The following JAK1 variants were observed in gnomAD, a reference collection of about 807,000 sequenced individuals.
JAK1 encodes the protein tyrosine-protein kinase JAK1.
JAK1 carries 16 observed loss-of-function variants against 136.6 expected under a neutral mutation model. The ratio of observed to expected loss-of-function variants is 0.12; its 90% CI spans 0.08 to 0.18. The LOEUF is 0.18. Ranked by LOEUF, JAK1 falls within the 10% of genes least tolerant of loss-of-function variation. The pLI is 1.00. For synonymous variants in JAK1, 492 were observed against 519.5 expected (o/e 0.95, Z 0.72); for missense variants, 859 against 1,450.1 (o/e 0.59, Z 6.62).
chr1:64,847,788 A>G, intron 12 of JAK1, 113 bp from the exon 13 acceptor site: 3 of 1,214,516 alleles, frequency 2.5e-6, no homozygotes, highest in Non-Finnish European at 3.5e-6. Context: ...GGCAAAGGCA[A>G]GAGGGCTCCC....
In JAK1 at chr1:65,054,438, G is replaced by A. The variant is rs531338649; in HGVS notation, c.-180-9856C>T. On this transcript the variant is annotated intron_variant, in intron 1 of 25. Transcript: ENST00000671954. ...TTATATATATGATTTCCCTAAGAAG[G>A]GAAAGGTCTGGGATTGGTGAATCCT... Among the ~76,000 whole-genome samples the A allele has an allele frequency of 4.6e-5, 7 of 152,030 alleles. No individual in the cohort carries two copies. In the East Asian group the frequency reaches 7.8e-4, roughly 17 times the overall value.
chr1:64,951,980 C>T (rs1291511957), intron 1 of JAK1, among the ~76,000 whole-genome samples: 1 of 152,142 alleles, frequency 6.6e-6, no homozygotes, highest in Non-Finnish European at 1.5e-5. Context: ...TTAAAGAATT[C>T]ATTCCCAGTT....
At chr1:64,904,134 T>C (rs1269946936) in intron 1 of JAK1, among the ~76,000 whole-genome samples, 1 of 152,226 alleles carries the variant, frequency 6.6e-6, no homozygotes, top group East Asian at 1.9e-4. Context: ...GGTTCTTTAA[T>C]ATAGAAACAG....
chr1:64,956,808 C>T (rs1384804988), intron 1 of JAK1, among the ~76,000 whole-genome samples: 4 of 152,106 alleles, frequency 2.6e-5, no homozygotes, highest in Admixed American at 6.6e-5. Flanking sequence ...GCACAGTTTT[C>T]GCAACATATA....
intron 1 of JAK1, among the ~76,000 whole-genome samples, chr1:65,065,496 A>T (rs1647997980): frequency 6.6e-6 from 1 of 151,984 alleles, no homozygotes; most frequent in Non-Finnish European, 1.5e-5. Context: ...ATCACAGAAC[A>T]AGGGGCAAAG....
intron 1 of JAK1, among the ~76,000 whole-genome samples, chr1:64,897,379 T>C (rs1645029519): frequency 6.8e-6 from 1 of 147,138 alleles, no homozygotes; most frequent in Admixed American, 6.8e-5. Flanking sequence ...CAGTGAGCTG[T>C]GCCACTGCAC....
At chr1:64,857,415 C>T (rs1348040733) in intron 10 of JAK1, among the ~76,000 whole-genome samples, 1 of 152,178 alleles carries the variant, frequency 6.6e-6, no homozygotes, top group Non-Finnish European at 1.5e-5. Flanking sequence ...TGGACCCCCA[C>T]CATGGGTCCC....
intron 2 of JAK1, among the ~76,000 whole-genome samples, chr1:65,041,419 C>T (rs961457271): frequency 1.3e-5 from 2 of 152,100 alleles, no homozygotes; most frequent in Non-Finnish European, 2.9e-5. Context: ...AGAGCCAGTA[C>T]CCCGTAAGCA....
Position 64,895,476 on chromosome 1 carries a change from A to C in JAK1, c.-77-9135T>G, listed in dbSNP as rs186919291. Reference sequence around the variant, plus strand: ...CTTATTTTTGTTTTTATTTCAGCAAATATAAGAAAGTGAATATAAAACAGT... The same window carrying C: ...CTTATTTTTGTTTTTATTTCAGCAACTATAAGAAAGTGAATATAAAACAGT... On this transcript the variant is annotated intron_variant, in intron 1 of 24. Transcript: ENST00000342505. 9.2e-5 allele frequency among the ~76,000 whole-genome samples: 14 copies of C among 152,346 alleles called. No individual in the cohort carries two copies. In the East Asian group the frequency reaches 9.6e-4, roughly 10 times the overall value.
intron 2 of JAK1, among the ~76,000 whole-genome samples, chr1:65,038,203 T>G (rs1018613658): frequency 6.7e-6 from 1 of 149,976 alleles, no homozygotes; most frequent in Non-Finnish European, 1.5e-5. Context: ...CTTTTCTTTT[T>G]TTTTTTTTTT....
chr1:65,062,527 T>C (rs74581196), intron 1 of JAK1, among the ~76,000 whole-genome samples: 1,883 of 152,268 alleles, frequency 0.012, 43 homozygotes, highest in African/African-American at 0.044. Context: ...GACCTCCAAT[T>C]CTACAGCCTT....
intron 1 of JAK1, among the ~76,000 whole-genome samples, chr1:64,917,463 C>T (rs977140681): frequency 3.3e-5 from 5 of 152,128 alleles, no homozygotes; most frequent in Non-Finnish European, 5.9e-5. Flanking sequence ...CAGAACAGAG[C>T]GGTCTCAACA....
Position 64,873,395 on chromosome 1 carries a change from C to G in JAK1, c.458G>C (p.Ser153Thr), listed in dbSNP as rs763543398. The G allele has an allele frequency of 6.2e-7, 1 of 1,614,082 alleles. No homozygotes were observed. The highest frequency in any genetic ancestry group is 1.3e-5 in the African/African-American group (1 of 74,936). Residue 153 changes from serine (S) to threonine (T), a missense_variant, in exon 5 of 25, where the codon AGC (serine) becomes ACC (threonine). By Grantham distance (58) the Ser-to-Thr change is moderately conservative. Transcript: ENST00000342505. ...CTGAGCAAACAGATACTCCAGTGAG[C>G]TGGCATCAAGGAGAGGGGTTGCATC... Reference protein sequence around the residue: ...IPDATPLLDASSLEYLFAQGQ... With the variant: ...IPDATPLLDATSLEYLFAQGQ...
At chr1:64,924,502 A>C (rs530566521) in intron 1 of JAK1, among the ~76,000 whole-genome samples, 137 of 152,276 alleles carry the variant, frequency 9.0e-4, no homozygotes, top group Middle Eastern at 3.4e-3. Context: ...TCAAAGAGAC[A>C]AACAACAAGG....
intron 2 of JAK1, chr1:64,985,222 A>C (rs1392381781): frequency 6.3e-6 from 10 of 1,593,284 alleles, no homozygotes. Context: ...ATTCCTGTTG[A>C]GTAATAGAAC....
chr1:64,968,817 A>C (rs1646423457), upstream of JAK1, among the ~76,000 whole-genome samples: 3 of 151,742 alleles, frequency 2.0e-5, no homozygotes, highest in South Asian at 6.2e-4. Context: ...CTGTAATCTC[A>C]GCTACTTGGG....
At chr1:64,933,796 C>A (rs1645740003) in intron 1 of JAK1, among the ~76,000 whole-genome samples, 1 of 152,230 alleles carries the variant, frequency 6.6e-6, no homozygotes, top group African/African-American at 2.4e-5. Flanking sequence ...ACCAAGCACG[C>A]CGCTGCTCTA....
chr1:64,913,972 G>A (rs776059856), intron 1 of JAK1, among the ~76,000 whole-genome samples: 1 of 152,162 alleles, frequency 6.6e-6, no homozygotes. Flanking sequence ...GGGTGCGTTG[G>A]GGGGTGAGTG....
Position 64,844,420 on chromosome 1 carries a change from G to C in JAK1, c.2252-205C>G, listed in dbSNP as rs1655096438. ...CACCACCAGCACTTCTGATACATCA[G>C]TCTGGGTCACAGCCAGCAGATGGGT... On this transcript the variant is annotated intron_variant, in intron 16 of 24. Coordinates refer to ENST00000342505, the MANE Select transcript of JAK1 (RefSeq NM_002227.4). This position sits in a 1 kb window ranked among gnomAD's most constrained non-coding sequence, Gnocchi z 5.7. Among the ~76,000 whole-genome samples the C allele has an allele frequency of 6.6e-6, 1 of 152,228 alleles. No homozygotes were observed. Among genetic ancestry groups the C allele is most frequent in the Non-Finnish European group, 1.5e-5 (1 of 68,044 alleles).
Sources: allele counts gnomAD v4.1 joint callset (sites outside exome capture counted in the v4.1 genomes callset), GRCh38; gene constraint gnomAD v4.1.1; non-coding constraint Gnocchi (gnomAD v3.1); transcripts MANE v1.5; gene names NCBI Gene and HGNC (gene_info 2026-07-23, HGNC 2026-07-21).